The following CTXND2 variants were observed in gnomAD, a reference collection of about 807,000 sequenced individuals.
The protein encoded by CTXND2 is cortexin domain containing 2.
chr1:150,900,034 C>T (rs189043721), intron 1 of CTXND2, among the ~76,000 whole-genome samples: 1 of 152,242 alleles, frequency 6.6e-6, no homozygotes, highest in East Asian at 1.9e-4. Context: ...ATCAGCAGGA[C>T]ACGGGCAGGG....
chr1:150,912,522 T>C (rs1669273610), exon 2 of CTXND2: 1 of 398,562 alleles, frequency 2.5e-6, no homozygotes, highest in Non-Finnish European at 4.4e-6. Flanking sequence ...AGCAAGAGAT[T>C]TGAAATCTGT....
intron 1 of CTXND2, among the ~76,000 whole-genome samples, chr1:150,892,531 T>C (rs4970981): frequency 0.31 from 36,834 of 119,832 alleles, 3,674 homozygotes; most frequent in South Asian, 0.44. Flanking sequence ...TCTTCTTCTT[T>C]TTTTTTTTTT....
intron 1 of CTXND2, among the ~76,000 whole-genome samples, chr1:150,907,429 G>A (rs1669169065): frequency 6.6e-6 from 1 of 152,074 alleles, no homozygotes; most frequent in Non-Finnish European, 1.5e-5. Context: ...ATATGCTGGG[G>A]GCGTTTGTGA....
At chr1:150,908,940 T>G (rs1263941474) in intron 1 of CTXND2, among the ~76,000 whole-genome samples, 1 of 151,570 alleles carries the variant, frequency 6.6e-6, no homozygotes, top group Non-Finnish European at 1.5e-5. Context: ...ATAATAAGCT[T>G]CTTAAAGTAC....
chr1:150,887,273 G>C (rs1240055194), exon 1 of CTXND2: 4 of 152,096 alleles, frequency 2.6e-5, no homozygotes, highest in Non-Finnish European at 4.4e-5. Flanking sequence ...AGACTGCCCT[G>C]GCAACAAGTG....
intron 1 of CTXND2, among the ~76,000 whole-genome samples, chr1:150,898,052 T>G (rs72992027): frequency 0.034 from 5,172 of 152,246 alleles, 303 homozygotes; most frequent in African/African-American, 0.12. Flanking sequence ...TCTATTGGCT[T>G]TTTTCTATTT....
intron 1 of CTXND2, among the ~76,000 whole-genome samples, chr1:150,891,538 T>C (rs1668850905): frequency 6.6e-6 from 1 of 152,156 alleles, no homozygotes; most frequent in South Asian, 2.1e-4. Flanking sequence ...AACACAAACA[T>C]CTAATGATGT....
intron 1 of CTXND2, among the ~76,000 whole-genome samples, chr1:150,907,706 T>C (rs1669174339): frequency 3.7e-4 from 1 of 2,732 alleles, no homozygotes; most frequent in Non-Finnish European, 1.8e-3. Flanking sequence ...TATGGTGGCT[T>C]TTTTTTTTTT....
intron 1 of CTXND2, among the ~76,000 whole-genome samples, chr1:150,902,231 C>G (rs1445557813): frequency 6.6e-6 from 1 of 151,980 alleles, no homozygotes; most frequent in Non-Finnish European, 1.5e-5. Context: ...GAAACCCCGT[C>G]TCTACTAAAA....
intron 1 of CTXND2, among the ~76,000 whole-genome samples, chr1:150,894,563 G>GTATT (rs764813468): frequency 1.3e-5 from 2 of 152,072 alleles, no homozygotes; most frequent in Non-Finnish European, 2.9e-5. Flanking sequence ...TGCATATAAT[G>GTATT]TATTTATTTA....
intron 1 of CTXND2, among the ~76,000 whole-genome samples, chr1:150,897,004 G>A (rs1455125126): frequency 4.6e-5 from 7 of 152,130 alleles, no homozygotes; most frequent in Non-Finnish European, 1.0e-4. Flanking sequence ...TGAAAGCAAA[G>A]GGGAAGAGAG....
intron 1 of CTXND2, among the ~76,000 whole-genome samples, chr1:150,904,454 A>G (rs1364722620): frequency 6.6e-5 from 10 of 152,200 alleles, no homozygotes; most frequent in Non-Finnish European, 1.5e-4. Context: ...TTCTAAAGAT[A>G]TGATTAGACT....
At chr1:150,890,556 T>G (rs1338688629) in intron 1 of CTXND2, among the ~76,000 whole-genome samples, 1 of 152,142 alleles carries the variant, frequency 6.6e-6, no homozygotes, top group Non-Finnish European at 1.5e-5. Flanking sequence ...CAGGCTGGAG[T>G]GCAACGGTAC....
chr1:150,904,089 T>C, intron 1 of CTXND2: 1 of 665,088 alleles, frequency 1.5e-6, no homozygotes, highest in South Asian at 1.4e-5. Context: ...GAGGATACGC[T>C]GATGGAGTAT....
chr1:150,903,854 T>C (rs1490257129), intron 1 of CTXND2: 1 of 531,298 alleles, frequency 1.9e-6, no homozygotes, highest in African/African-American at 1.9e-5. Context: ...GGCTTCAGAG[T>C]GGTAACCTAC....
intron 1 of CTXND2, among the ~76,000 whole-genome samples, chr1:150,907,524 G>A (rs150367602): frequency 7.5e-4 from 114 of 152,244 alleles, no homozygotes; most frequent in Middle Eastern, 3.4e-3. Flanking sequence ...AGTCTATTGT[G>A]TAGACATACC....
At position 150,891,421 on chromosome 1, in the gene CTXND2, G is replaced by A. The variant is rs373140711; in HGVS notation, c.-74+4108G>A. Among the ~76,000 whole-genome samples, 81 of 152,194 alleles carry A rather than the reference G, an allele frequency of 5.3e-4. 1 individual carries two copies. The highest frequency in any genetic ancestry group is 1.9e-3 in the African/African-American group (79 of 41,534). On this transcript the variant is annotated intron_variant, in intron 1 of 1. Transcript: ENST00000636087. ...GTAGAGACAGGGTTTCACTGTGTTA[G>A]CCAGGATGGTCTCCATCTCCTGACC...
At chr1:150,894,890 C>T (rs868535336) in intron 1 of CTXND2, among the ~76,000 whole-genome samples, 1 of 151,954 alleles carries the variant, frequency 6.6e-6, no homozygotes, top group African/African-American at 2.4e-5. Flanking sequence ...AAAAAATTAG[C>T]CGGATGTGGT....
At chr1:150,892,387 T>C (rs1033238709) in intron 1 of CTXND2, among the ~76,000 whole-genome samples, 6 of 152,180 alleles carry the variant, frequency 3.9e-5, no homozygotes, top group African/African-American at 1.4e-4. Context: ...GTGATTTGCC[T>C]CTGGGCTCTC....
Sources: gnomAD v4.1 joint callset for allele counts (sites outside exome capture counted in the v4.1 genomes callset) on GRCh38, gnomAD v4.1.1 for gene constraint, MANE v1.5 for transcripts, NCBI Gene and HGNC (gene_info 2026-07-23, HGNC 2026-07-21) for gene names.